The following SERPINB7 variants were observed in gnomAD, a reference collection of about 807,000 sequenced individuals.
SERPINB7 encodes serpin family B member 7.
A neutral mutation model predicts 37.4 loss-of-function variants in SERPINB7; 31 were observed. The ratio of observed to expected loss-of-function variants is 0.83; its 90% CI spans 0.62 to 1.12. SERPINB7 has a LOEUF of 1.12. SERPINB7 is among the 50% of genes most tolerant of loss of function. The pLI, the probability that SERPINB7 is intolerant of heterozygous loss-of-function variation, is 0.00. For synonymous variants in SERPINB7, 163 were observed against 166.1 expected (o/e 0.98, Z 0.14); for missense variants, 521 against 455.3 (o/e 1.14, Z -1.31).
intron 1 of SERPINB7, among the ~76,000 whole-genome samples, chr18:63,765,485 T>C (rs2049175886): frequency 6.6e-6 from 1 of 152,192 alleles, no homozygotes; most frequent in African/African-American, 2.4e-5. Flanking sequence ...TGTTATTTTT[T>C]AAAAAGTAAG....
rs946302760 is a variant in SERPINB7 at position 63,800,905 on chromosome 18, A to G, written c.637A>G (p.Lys213Glu). The part of the protein sequence containing the change: ...KAVAMMHQER[K>E]FNLSVIEDPS... Reference sequence around the variant, plus strand: ...AGTCGCCATGATGCATCAGGAACGGAAGTTCAATTTGTCTGTTATTGAGGA... The same window carrying G: ...AGTCGCCATGATGCATCAGGAACGGGAGTTCAATTTGTCTGTTATTGAGGA... The change falls in exon 7 of 8, where the codon AAG (lysine) becomes GAG (glutamate). Residue 213 changes from lysine (K) to glutamate (E), a missense_variant. Transcript: ENST00000398019. The G allele has an allele frequency of 1.9e-5, 30 of 1,613,862 alleles. No homozygotes were observed. Among genetic ancestry groups the G allele is most frequent in the African/African-American group, 2.7e-5 (2 of 74,924 alleles).
intron 4 of SERPINB7, among the ~76,000 whole-genome samples, chr18:63,794,674 AG>A (rs2049467878): frequency 1.3e-5 from 2 of 152,140 alleles, no homozygotes; most frequent in East Asian, 3.9e-4. Flanking sequence ...TGGGCGAAAG[AG>A]CGAGACTCTG....
intron 2 of SERPINB7, among the ~76,000 whole-genome samples, chr18:63,785,142 C>T (rs59696214): frequency 0.046 from 6,980 of 152,296 alleles, 269 homozygotes; most frequent in South Asian, 0.097. Context: ...AAACATTCAT[C>T]TAATTTATCT....
intron 2 of SERPINB7, among the ~76,000 whole-genome samples, chr18:63,783,218 GAGAGAGAGAGAGAGAGAA>G (rs1292999690): frequency 2.7e-3 from 194 of 71,112 alleles, no homozygotes; most frequent in Middle Eastern, 7.0e-3. Flanking sequence ...GAGAGAGAGA[GAGAGAGAGAGAGAGAGAA>G]AGAAAGAAAG....
Position 63,769,847 on chromosome 18 carries a change from C to G in SERPINB7, c.-18-12508C>G, listed in dbSNP as rs893056555. Among the ~76,000 whole-genome samples, 4 of 151,834 alleles carry G rather than the reference C, an allele frequency of 2.6e-5. No homozygotes were observed. In the South Asian group the frequency reaches 8.3e-4, roughly 32 times the overall value. On this transcript the variant is annotated intron_variant, in intron 1 of 7. Transcript: ENST00000336429. ...TTAAATCATTCTTTTCTCCATCTCT[C>G]ACTTCTTTATGATTGTCCTCAAACC... is the stretch of plus-strand genomic sequence containing the variant.
At chr18:63,798,400 G>A (rs1225888850) in intron 5 of SERPINB7, among the ~76,000 whole-genome samples, 2 of 152,074 alleles carry the variant, frequency 1.3e-5, no homozygotes, top group Non-Finnish European at 2.9e-5. Context: ...ACCTCACAGG[G>A]ATTATGTAAG....
intron 1 of SERPINB7, among the ~76,000 whole-genome samples, chr18:63,779,983 T>C (rs1314116728): frequency 6.6e-6 from 1 of 152,152 alleles, no homozygotes; most frequent in Non-Finnish European, 1.5e-5. Context: ...AATGATAGCT[T>C]CCAGACCCCC....
At chr18:63,772,745 G>A (rs2144596289), upstream of SERPINB7, among the ~76,000 whole-genome samples, 1 of 152,262 alleles carries the variant, frequency 6.6e-6, no homozygotes, top group East Asian at 1.9e-4. Context: ...GATAACAATA[G>A]TGATTCTTCA....
rs142304925 is a variant in SERPINB7 at position 63,791,819 on chromosome 18, C to T, written c.169-574C>T. On this transcript the variant is annotated intron_variant, in intron 2 of 7. Transcript: ENST00000398019. Reference sequence around the variant, plus strand: ...TAGAGACGGGTTTTCACCGTGTTAGCCAGGATGGTCTCGATCTCCTGACCT... The same window carrying T: ...TAGAGACGGGTTTTCACCGTGTTAGTCAGGATGGTCTCGATCTCCTGACCT... 4.0e-3 allele frequency among the ~76,000 whole-genome samples: 607 copies of T among 152,144 alleles called. 4 individuals are homozygous for T. The highest frequency in any genetic ancestry group is 0.013 in the African/African-American group (545 of 41,510).
At chr18:63,796,903 C>G (rs1033372095) in intron 5 of SERPINB7, among the ~76,000 whole-genome samples, 8 of 152,008 alleles carry the variant, frequency 5.3e-5, no homozygotes, top group Non-Finnish European at 1.2e-4. Flanking sequence ...ATTCTACTGT[C>G]AAAGAAATGT....
At chr18:63,787,660 A>G (rs1174967422) in intron 2 of SERPINB7, among the ~76,000 whole-genome samples, 2 of 152,174 alleles carry the variant, frequency 1.3e-5, no homozygotes, top group Non-Finnish European at 2.9e-5. Flanking sequence ...ACTATTAAAA[A>G]CAAAACAAAA....
intron 1 of SERPINB7, among the ~76,000 whole-genome samples, chr18:63,766,809 C>A (rs542700343): frequency 2.0e-4 from 30 of 152,144 alleles, no homozygotes; most frequent in South Asian, 2.1e-4. Flanking sequence ...CATCTAAAGG[C>A]TGCTCAAACC....
chr18:63,802,567 A>T (rs1316109925), intron 7 of SERPINB7, among the ~76,000 whole-genome samples: 1 of 152,242 alleles, frequency 6.6e-6, no homozygotes, highest in Non-Finnish European at 1.5e-5. Flanking sequence ...TCTGATAGAT[A>T]CATATGTATA....
chr18:63,799,706 G>C (rs1599021569), intron 6 of SERPINB7, among the ~76,000 whole-genome samples: 1 of 152,270 alleles, frequency 6.6e-6, no homozygotes. Context: ...CAATTCTGGG[G>C]ACCTGTCTCA....
At position 63,792,433 on chromosome 18, in the gene SERPINB7, C is replaced by A. The variant is rs1230400829; in HGVS notation, c.209C>A (p.Ser70Tyr). ...VNTASGYGNS[S>Y]NSQSGLQSQL... ...ACTGCCTCAGGATATGGAAACTCTTCTAATAGTCAGGTAAAGACAATATGT... is the reference window on the plus strand; with the variant it reads ...ACTGCCTCAGGATATGGAAACTCTTATAATAGTCAGGTAAAGACAATATGT... The change falls in exon 3 of 8, where the codon TCT (serine) becomes TAT (tyrosine). Residue 70 changes from serine to tyrosine, a missense_variant. Physicochemically the swap from Ser to Tyr is moderately radical, Grantham distance 144. Coordinates refer to ENST00000398019, the MANE Select transcript of SERPINB7 (RefSeq NM_003784.4). 4 of 1,597,234 alleles carry A rather than the reference C, an allele frequency of 2.5e-6. No individual in the cohort carries two copies. Among genetic ancestry groups the A allele is most frequent in the Non-Finnish European group, 3.4e-6 (4 of 1,164,896 alleles).
chr18:63,768,744 C>T (rs2049194053), intron 1 of SERPINB7, among the ~76,000 whole-genome samples: 1 of 152,034 alleles, frequency 6.6e-6, no homozygotes, highest in Non-Finnish European at 1.5e-5. Context: ...ACCACTGCCA[C>T]CATCAATTCA....
chr18:63,804,270 G>T lies in SERPINB7; in HGVS notation c.778G>T (p.Glu260Ter). Residue 260 changes from glutamate (E) to a stop codon, truncating the protein, a stop_gained, in exon 8 of 8, where the codon GAA (glutamate) becomes TAA (stop). Transcript: ENST00000398019. LOFTEE classifies it high-confidence loss of function. ...ENKLTFQNLM[E>*]WTNPRRMTSK... Reference sequence around the variant, plus strand: ...CAAACTGACCTTTCAGAATCTAATGGAATGGACCAATCCAAGGCGAATGAC... The same window carrying T: ...CAAACTGACCTTTCAGAATCTAATGTAATGGACCAATCCAAGGCGAATGAC... The T allele has an allele frequency of 6.3e-7, 1 of 1,587,492 alleles. No homozygotes were observed. The highest frequency in any genetic ancestry group is 1.9e-5 in the Admixed American group (1 of 54,004).
rs761812129 is a variant in SERPINB7, at chr18:63,783,232, G to GAGAAAGAAAGAA, written c.168+746_168+757dup. On this transcript the variant is annotated intron_variant, in intron 2 of 7. Transcript: ENST00000398019. ...AGAGAGAGAGAGAGAGAGAGAGAGA[G>GAGAAAGAAAGAA]AGAAAGAAAGAAAGAAAGAAAGAAA... is the stretch of plus-strand genomic sequence containing the variant. Among the ~76,000 whole-genome samples, 118 of 40,680 alleles carry GAGAAAGAAAGAA rather than the reference G, an allele frequency of 2.9e-3. 3 individuals are homozygous for GAGAAAGAAAGAA. Among genetic ancestry groups the GAGAAAGAAAGAA allele is most frequent in the African/African-American group, 6.2e-3 (51 of 8,276 alleles). 26.7% of individuals were successfully genotyped at this position (40,680 alleles called of 152,430 possible).
chr18:63,796,271 C>T lies in SERPINB7; in HGVS notation c.342C>T (p.Tyr114=), dbSNP rs1343575133. 6.3e-7 allele frequency: 1 copy of T among 1,589,478 alleles called. No individual in the cohort carries two copies. Among genetic ancestry groups the T allele is most frequent in the Non-Finnish European group, 8.6e-7 (1 of 1,157,844 alleles). The change falls in exon 5 of 8, where the codon TAC becomes TAT. Residue 114 remains tyrosine, a synonymous_variant. Coordinates refer to ENST00000398019, the MANE Select transcript of SERPINB7 (RefSeq NM_003784.4). ...AEKVYGFHKD[Y]IECAEKLYDA... is the part of the protein sequence containing the mutation. ...AACTATATTCTTCTTTATAGGACTACATTGAGTGTGCCGAAAAATTATACG... is the reference window on the plus strand; with the variant it reads ...AACTATATTCTTCTTTATAGGACTATATTGAGTGTGCCGAAAAATTATACG...
Sources: allele counts gnomAD v4.1 joint callset (sites outside exome capture counted in the v4.1 genomes callset), GRCh38; gene constraint gnomAD v4.1.1; transcripts MANE v1.5; gene names NCBI Gene and HGNC (gene_info 2026-07-23, HGNC 2026-07-21).